The following CHD6 variants were observed in gnomAD, a reference collection of about 807,000 sequenced individuals.
CHD6 encodes the protein ATP-dependent chromatin remodeler CHD6.
A neutral mutation model predicts 276.9 loss-of-function variants in CHD6; 50 were observed. That is an observed-to-expected ratio of 0.18 (90% confidence interval 0.14 to 0.23). The LOEUF is 0.23. CHD6 is among the 10% of genes least tolerant of loss of function. CHD6 has a pLI of 1.00. For missense variants in CHD6, 2,564 were observed against 3,365.8 expected, an observed-to-expected ratio of 0.76 and a Z score of 5.89; for synonymous variants, 1,173 against 1,229.3, an observed-to-expected ratio of 0.95 and a Z score of 0.96.
chr20:41,452,665 G>T lies in CHD6; in HGVS notation c.3323+75C>A. 7.4e-7 allele frequency: 1 copy of T among 1,346,374 alleles called. No homozygotes were observed. Among genetic ancestry groups the T allele is most frequent in the Non-Finnish European group, 1.0e-6 (1 of 958,266 alleles). 83.4% of individuals were successfully genotyped at this position (1,346,374 alleles called of 1,614,324 possible). On this transcript the variant is annotated intron_variant, in intron 21 of 36. Transcript: ENST00000373233. This position sits in a 1 kb window ranked among gnomAD's most constrained non-coding sequence, Gnocchi z 4.2. ...CAAAGGTGACTGGAGAGACATCCTAGACAAATCTCAGGGACTGAAAAACAG... is the reference window on the plus strand; with the variant it reads ...CAAAGGTGACTGGAGAGACATCCTATACAAATCTCAGGGACTGAAAAACAG...
At chr20:41,547,222 C>T (rs2045059136) in intron 2 of CHD6, among the ~76,000 whole-genome samples, 1 of 152,162 alleles carries the variant, frequency 6.6e-6, no homozygotes, top group Non-Finnish European at 1.5e-5. Flanking sequence ...GATTTCCTTG[C>T]CACTGACAAA....
At chr20:41,531,927 TTA>T (rs1219447840) in intron 3 of CHD6, among the ~76,000 whole-genome samples, 1 of 152,212 alleles carries the variant, frequency 6.6e-6, no homozygotes, top group Non-Finnish European at 1.5e-5. Flanking sequence ...CTGTGTTTTT[TTA>T]TGAGTGCTCT....
intron 3 of CHD6, among the ~76,000 whole-genome samples, chr20:41,519,276 C>T (rs1414502807): frequency 7.3e-6 from 1 of 137,226 alleles, no homozygotes; most frequent in African/African-American, 3.0e-5. Flanking sequence ...GAGTCAGACC[C>T]TGTCTCAAAA....
intron 5 of CHD6, among the ~76,000 whole-genome samples, chr20:41,506,691 A>G (rs1601033602): frequency 6.6e-6 from 1 of 152,258 alleles, no homozygotes; most frequent in East Asian, 1.9e-4. Flanking sequence ...AGAAGTTTTG[A>G]CCTTGGTCCT....
intron 30 of CHD6, among the ~76,000 whole-genome samples, chr20:41,422,416 A>G (rs2047224072): frequency 2.0e-5 from 3 of 152,126 alleles, no homozygotes; most frequent in Admixed American, 6.5e-5. Context: ...GGCTAGGAGG[A>G]TCACTTGAGG....
At chr20:41,537,983 T>G (rs1002398578) in intron 2 of CHD6, among the ~76,000 whole-genome samples, 10 of 152,290 alleles carry the variant, frequency 6.6e-5, no homozygotes, top group African/African-American at 2.4e-4. Context: ...TGGAAGCAAC[T>G]CCATCCATCG....
chr20:41,441,874 GCTCT>G (rs1361931276), intron 25 of CHD6, among the ~76,000 whole-genome samples: 1 of 152,204 alleles, frequency 6.6e-6, no homozygotes, highest in Non-Finnish European at 1.5e-5. Context: ...TCTATAAGCT[GCTCT>G]CTAAGAATAT....
chr20:41,403,387 A>T lies in CHD6; in HGVS notation c.*1206T>A. 9.4e-7 allele frequency: 1 copy of T among 1,063,242 alleles called. No individual in the cohort carries two copies. Among genetic ancestry groups the T allele is most frequent in the East Asian group, 5.1e-5 (1 of 19,762 alleles). 65.9% of individuals were successfully genotyped at this position (1,063,242 alleles called of 1,614,324 possible). A position where few individuals can be genotyped will look rare whatever the true frequency, so the allele number is the denominator to read the frequency against. ...GGACATGGGGAAGTGCTGCTTAGGC[A>T]GTTTCTTTCTCAGTTCCTAAACATG... is the stretch of plus-strand genomic sequence containing the variant. On this transcript the variant is annotated 3_prime_UTR_variant, in exon 37 of 37. Coordinates refer to ENST00000373233, the MANE Select transcript of CHD6 (RefSeq NM_032221.5).
chr20:41,614,669 G>C (rs934749840), intron 1 of CHD6: 2 of 152,136 alleles, frequency 1.3e-5, no homozygotes, highest in African/African-American at 4.8e-5. Context: ...TCAGAAACAG[G>C]GACAAGCATG....
At position 41,518,133 on chromosome 20, in the gene CHD6, C is replaced by A. The variant is rs111878301; in HGVS notation, c.555-3181G>T. Among the ~76,000 whole-genome samples the A allele has an allele frequency of 6.5e-3, 995 of 152,326 alleles. 15 individuals are homozygous for A. Among genetic ancestry groups the A allele is most frequent in the African/African-American group, 0.023 (943 of 41,570 alleles). On this transcript the variant is annotated intron_variant, in intron 3 of 36. Coordinates refer to ENST00000373233, the MANE Select transcript of CHD6 (RefSeq NM_032221.5). ...CAAAAGTCACCCTAATAATCACATG[C>A]TCAGTGGCCTCTGAATCTTCTGTAC...
chr20:41,545,673 G>C (rs2146125533), intron 2 of CHD6, among the ~76,000 whole-genome samples: 1 of 152,246 alleles, frequency 6.6e-6, no homozygotes, highest in East Asian at 1.9e-4. Flanking sequence ...TCTCCCTAGA[G>C]GATTTCTGGG....
chr20:41,418,992 T>C (rs979339602), intron 31 of CHD6, among the ~76,000 whole-genome samples: 3 of 152,298 alleles, frequency 2.0e-5, no homozygotes, highest in African/African-American at 7.2e-5. Flanking sequence ...ATTGCCTGGG[T>C]TTCCAAGGAC....
chr20:41,404,398 G>C lies in CHD6; in HGVS notation c.*195C>G. On this transcript the variant is annotated 3_prime_UTR_variant, in exon 37 of 37. Coordinates refer to ENST00000373233, the MANE Select transcript of CHD6 (RefSeq NM_032221.5). ...AATTCTGTGCCTCCTAGACTAGGTA[G>C]ACAACACTTATCTAATGAAGTGGTG... The C allele has an allele frequency of 7.8e-7, 1 of 1,284,882 alleles. No homozygotes were observed. The highest frequency in any genetic ancestry group is 9.8e-7 in the Non-Finnish European group (1 of 1,018,200). 79.6% of individuals were successfully genotyped at this position (1,284,882 alleles called of 1,614,324 possible). A position where few individuals can be genotyped will look rare whatever the true frequency, so the allele number is the denominator to read the frequency against.
At chr20:41,587,449 C>G (rs1166502510) in intron 1 of CHD6, among the ~76,000 whole-genome samples, 1 of 152,228 alleles carries the variant, frequency 6.6e-6, no homozygotes, top group East Asian at 1.9e-4. Context: ...GCAAGCCTTT[C>G]AGATGAATCA....
At position 41,533,188 on chromosome 20, in the gene CHD6, G is replaced by C; in HGVS notation, c.416C>G (p.Ala139Gly). 4 of 1,613,844 alleles carry C rather than the reference G, an allele frequency of 2.5e-6. No individual in the cohort carries two copies. The African/African-American group carries it at 5.3e-5, about 22-fold the overall frequency. ...EPRKAKEPKK[A>G]KEHKEPKQKD... ...TTGCTTCGGCTCCTTGTGCTCCTTG[G>C]CCTTCTTCGGCTCCTTGGCCTTTCT... The change falls in exon 3 of 37, where the codon GCC (alanine) becomes GGC (glycine). Residue 139 changes from alanine to glycine, a missense_variant. Ala to Gly is a moderately conservative substitution (Grantham distance 60). Around this residue, in one of 7 missense-constraint regions of CHD6, gnomAD observed 286 missense variants for 297.8 expected, o/e 0.96. Coordinates refer to ENST00000373233, the MANE Select transcript of CHD6 (RefSeq NM_032221.5).
Position 41,491,815 on chromosome 20 carries a change from C to A in CHD6, c.1319G>T (p.Arg440Leu). 6.2e-7 allele frequency: 1 copy of A among 1,613,744 alleles called. No homozygotes were observed. The highest frequency in any genetic ancestry group is 8.5e-7 in the Non-Finnish European group (1 of 1,179,780). Residue 440 changes from arginine to leucine, a missense_variant, in exon 11 of 37, where the codon CGG (arginine) becomes CTG (leucine). By Grantham distance (102) the Arg-to-Leu change is moderately radical. Around this residue, in one of 7 missense-constraint regions of CHD6, gnomAD observed 457 missense variants for 889.0 expected, o/e 0.51. Transcript: ENST00000373233. Reference sequence around the variant, plus strand: ...TTTCTGCCAGGAGTCTGAAGCAGGCCGCTCCTAGGGAGGAAAGCAAACAGC... The same window carrying A: ...TTTCTGCCAGGAGTCTGAAGCAGGCAGCTCCTAGGGAGGAAAGCAAACAGC... The part of the protein sequence containing the change: ...QVLPEIKHVE[R>L]PASDSWQKLE...
chr20:41,466,285 T>C (rs1056545860), intron 17 of CHD6, among the ~76,000 whole-genome samples: 1 of 152,192 alleles, frequency 6.6e-6, no homozygotes, highest in Non-Finnish European at 1.5e-5. Flanking sequence ...CACAGCCTTT[T>C]AAGATAAATG....
At chr20:41,451,161 G>T in intron 22 of CHD6, 56 bp from the exon 23 acceptor site, 1 of 1,508,920 alleles carries the variant, frequency 6.6e-7, no homozygotes, top group Non-Finnish European at 9.1e-7. Flanking sequence ...TGTTACACAC[G>T]GGTTTTAGAA....
At chr20:41,412,876 C>T (rs544281958) in intron 35 of CHD6, among the ~76,000 whole-genome samples, 3 of 152,214 alleles carry the variant, frequency 2.0e-5, no homozygotes, top group South Asian at 2.1e-4. Context: ...AAGGACAGAC[C>T]GTCCCCCAAC....
Sources: gnomAD v4.1 joint callset for allele counts (sites outside exome capture counted in the v4.1 genomes callset) on GRCh38, gnomAD v4.1.1 for gene constraint, gnomAD v4.1.1 regional missense constraint, Gnocchi (gnomAD v3.1) non-coding constraint, MANE v1.5 for transcripts, NCBI Gene and HGNC (gene_info 2026-07-23, HGNC 2026-07-21) for gene names.